OR5P3: variants seen among roughly 807,000 people sequenced by gnomAD.
The protein encoded by OR5P3 is olfactory receptor family 5 subfamily P member 3.
For synonymous variants in OR5P3, 172 were observed against 141.8 expected (o/e 1.21, Z -1.51); for missense variants, 415 against 375.6 (o/e 1.10, Z -0.87).
Position 7,825,046 on chromosome 11 carries a change from TA to T in OR5P3, c.926del (p.Ile309AsnfsTer8), listed in dbSNP as rs1857714006. On this transcript the variant is annotated frameshift_variant, in exon 2 of 2. Transcript: ENST00000641167. LOFTEE classifies it high-confidence loss of function. The part of the protein sequence containing the change: ...GALKRELRIK[I>X]FS ...AAACTAACTAGTTTCATCAAGAAAA[TA>T]TTTTTATTCTAAGCTCTCTCTTCAG... The T allele has an allele frequency of 1.9e-6, 3 of 1,612,346 alleles. No individual in the cohort carries two copies. Among genetic ancestry groups the T allele is most frequent in the African/African-American group, 1.3e-5 (1 of 74,616 alleles).
rs899895028 is a variant in OR5P3 at position 7,825,733 on chromosome 11, G to A, written c.240C>T (p.Val80=). 1 of 1,613,136 alleles carries A rather than the reference G, an allele frequency of 6.2e-7. No individual in the cohort carries two copies. Among genetic ancestry groups the A allele is most frequent in the Non-Finnish European group, 8.5e-7 (1 of 1,180,042 alleles). Residue 80 remains valine, a synonymous_variant, in exon 2 of 2, where the codon GTC becomes GTT. Coordinates refer to ENST00000641167, the MANE Select transcript of OR5P3 (RefSeq NM_153445.2). ...DIGYSSSVTP[V]MLMSFLRKET... is the part of the protein sequence containing the mutation. The stretch of plus-strand genomic sequence containing the variant: ...CTTTCCTTAGGAAGCTCATGAGCAT[G>A]ACAGGTGTGACTGATGAGGAGTACC...
rs140831480 is a variant in OR5P3 at position 7,828,280 on chromosome 11, A to G, written c.-21-2287T>C. The stretch of plus-strand genomic sequence containing the variant: ...TGAGGACATAAGAAATTTTGTTGAT[A>G]ACTGTGACTGCAGAAGGGCACAGGA... On this transcript the variant is annotated intron_variant, in intron 1 of 1. Transcript: ENST00000641167. Among the ~76,000 whole-genome samples the G allele has an allele frequency of 1.0e-3, 155 of 152,330 alleles. 2 individuals are homozygous for G. The South Asian group carries it at 0.017, about 17-fold the overall frequency.
chr11:7,828,834 C>G (rs906878699), intron 1 of OR5P3, among the ~76,000 whole-genome samples: 6 of 152,144 alleles, frequency 3.9e-5, no homozygotes, highest in Non-Finnish European at 8.8e-5. Context: ...TACATATGGT[C>G]TGTCAAGACT....
At position 7,825,183 on chromosome 11, in the gene OR5P3, A is replaced by T. The variant is rs148302710; in HGVS notation, c.790T>A (p.Ser264Thr). The T allele has an allele frequency of 2.4e-4, 394 of 1,613,130 alleles. No individual in the cohort carries two copies. The highest frequency in any genetic ancestry group is 3.0e-4 in the Non-Finnish European group (356 of 1,180,042). Residue 264 changes from serine to threonine, a missense_variant, in exon 2 of 2, where the codon TCC (serine) becomes ACC (threonine). Physicochemically the swap from Ser to Thr is moderately conservative, Grantham distance 58. Coordinates refer to ENST00000641167, the MANE Select transcript of OR5P3 (RefSeq NM_153445.2). ...TTGTTCTGGTCAGTTGAGTAGCTGGACTTGGGCATCACATAAATGAAGGTA... is the reference window on the plus strand; with the variant it reads ...TTGTTCTGGTCAGTTGAGTAGCTGGTCTTGGGCATCACATAAATGAAGGTA... The part of the protein sequence containing the change: ...TITFIYVMPK[S>T]SYSTDQNKVV...
Position 7,825,676 on chromosome 11 carries a change from G to A in OR5P3, c.297C>T (p.Ala99=), listed in dbSNP as rs541826495. Residue 99 remains alanine (A), a synonymous_variant, in exon 2 of 2, where the codon GCC becomes GCT. Coordinates refer to ENST00000641167, the MANE Select transcript of OR5P3 (RefSeq NM_153445.2). ...CAAACGTCACTACAGAACAGAGCTG[G>A]GCCACACAACCAGCAACAGGGAGAG... ...ETSLPVAGCV[A]QLCSVVTFGT... is the part of the protein sequence containing the mutation. 1 of 1,613,086 alleles carries A rather than the reference G, an allele frequency of 6.2e-7. No homozygotes were observed. Among genetic ancestry groups the A allele is most frequent in the African/African-American group, 1.4e-5 (1 of 74,058 alleles).
At position 7,825,156 on chromosome 11, in the gene OR5P3, C is replaced by A; in HGVS notation, c.817G>T (p.Val273Leu). The change falls in exon 2 of 2, where the codon GTG becomes TTG. Residue 273 changes from valine to leucine, a missense_variant. By Grantham distance (32) the Val-to-Leu change is conservative. Transcript: ENST00000641167. ...KSSYSTDQNK[V>L]VSVFYTVVIP... ...ACCACGGTGTAGAACACAGACACCA[C>A]CTTGTTCTGGTCAGTTGAGTAGCTG... 1 of 1,613,452 alleles carries A rather than the reference C, an allele frequency of 6.2e-7. No homozygotes were observed. Among genetic ancestry groups the A allele is most frequent in the Non-Finnish European group, 8.5e-7 (1 of 1,180,038 alleles).
rs1857725026 is a variant in OR5P3, at chr11:7,825,471, A to C, written c.502T>G (p.Phe168Val). ...TFIGCLLRLS[F>V]CGPNKVNHFF... ...TGATTGACTTTATTTGGCCCACAGA[A>C]GGACAGTCTTAATAAGCAGCCAATG... The change falls in exon 2 of 2, where the codon TTC becomes GTC. Residue 168 changes from phenylalanine (F) to valine (V), a missense_variant. Transcript: ENST00000641167. 6.2e-7 allele frequency: 1 copy of C among 1,613,228 alleles called. No individual in the cohort carries two copies. The highest frequency in any genetic ancestry group is 8.5e-7 in the Non-Finnish European group (1 of 1,180,054).
At position 7,825,858 on chromosome 11, in the gene OR5P3, A is replaced by G; in HGVS notation, c.115T>C (p.Leu39=). The G allele has an allele frequency of 4.3e-6, 7 of 1,611,466 alleles. No homozygotes were observed. Among genetic ancestry groups the G allele is most frequent in the Non-Finnish European group, 5.9e-6 (7 of 1,178,670 alleles). The change falls in exon 2 of 2, where the codon TTA becomes CTA. Residue 39 remains leucine (L), a synonymous_variant. Transcript: ENST00000641167. ...ACAATTATGCTGATATTACCCATTA[A>G]GGTGACAACATAAATTCCTAGAAAC... is the stretch of plus-strand genomic sequence containing the variant. ...LVFLGIYVVT[L]MGNISIIVLI... is the part of the protein sequence containing the mutation.
rs1195365359 is a variant in OR5P3, at chr11:7,824,904, CCTGATTGA to C, written c.*125_*132del. The C allele has an allele frequency of 3.8e-6, 2 of 530,952 alleles. No homozygotes were observed. Among genetic ancestry groups the C allele is most frequent in the Admixed American group, 3.8e-5 (1 of 26,050 alleles). 32.9% of individuals were successfully genotyped at this position (530,952 alleles called of 1,614,324 possible). A position where few individuals can be genotyped will look rare whatever the true frequency, so the allele number is the denominator to read the frequency against. Reference sequence around the variant, plus strand: ...CCTATTCTATCTGAAAATCTTCCCTCCTGATTGACTAAAAAGCTCCACACTGGGTAATG... The same window carrying C: ...CCTATTCTATCTGAAAATCTTCCCTCCTAAAAAGCTCCACACTGGGTAATG... On this transcript the variant is annotated 3_prime_UTR_variant, in exon 2 of 2. Transcript: ENST00000641167.
chr11:7,829,385 A>C (rs548721258), intron 1 of OR5P3, among the ~76,000 whole-genome samples: 2 of 114,842 alleles, frequency 1.7e-5, no homozygotes, highest in African/African-American at 5.0e-5. Context: ...ATTAACTTTT[A>C]TCTTATTTTT....
Position 7,825,115 on chromosome 11 carries a change from G to C in OR5P3, c.858C>G (p.Asn286Lys). 6.2e-7 allele frequency: 1 copy of C among 1,613,594 alleles called. No individual in the cohort carries two copies. Among genetic ancestry groups the C allele is most frequent in the Non-Finnish European group, 8.5e-7 (1 of 1,180,036 alleles). The change falls in exon 2 of 2, where the codon AAC (asparagine) becomes AAG (lysine). Residue 286 changes from asparagine to lysine, a missense_variant. Physicochemically the swap from Asn to Lys is moderately conservative, Grantham distance 94. Coordinates refer to ENST00000641167, the MANE Select transcript of OR5P3 (RefSeq NM_153445.2). ...TGTTCCTGAGGCTGTAGATCAGGGG[G>C]TTCAACATGGGAATCACCACGGTGT... The part of the protein sequence containing the change: ...VFYTVVIPML[N>K]PLIYSLRNKE...
chr11:7,827,976 GA>G (rs1857763693), intron 1 of OR5P3, among the ~76,000 whole-genome samples: 1 of 152,140 alleles, frequency 6.6e-6, no homozygotes, highest in Non-Finnish European at 1.5e-5. Context: ...GCCAGTTGAT[GA>G]CTGCAAATGC....
rs370338656 is a variant in OR5P3 at position 7,829,102 on chromosome 11, G to A, written c.-22+1722C>T. Among the ~76,000 whole-genome samples, 3 of 152,250 alleles carry A rather than the reference G, an allele frequency of 2.0e-5. No homozygotes were observed. The East Asian group carries it at 5.8e-4, about 29-fold the overall frequency. ...TATTTGAAAATATATATTTGTGTCT[G>A]TATTTGTAGGGTCTCATGACTTTAT... On this transcript the variant is annotated intron_variant, in intron 1 of 1. Transcript: ENST00000641167.
At chr11:7,827,060 G>C (rs1220124543) in intron 1 of OR5P3, among the ~76,000 whole-genome samples, 4 of 152,146 alleles carry the variant, frequency 2.6e-5, no homozygotes, top group African/African-American at 4.8e-5. Flanking sequence ...AAAAAAGATA[G>C]ATAATACACA....
In OR5P3 at chr11:7,825,453, C is replaced by T. The variant is rs764115683; in HGVS notation, c.520G>A (p.Val174Ile). Residue 174 changes from valine (V) to isoleucine (I), a missense_variant, in exon 2 of 2, where the codon GTC becomes ATC. Physicochemically the swap from Val to Ile is conservative, Grantham distance 29. Transcript: ENST00000641167. Reference sequence around the variant, plus strand: ...GAATAGTCACAGAAAAAGTGATTGACTTTATTTGGCCCACAGAAGGACAGT... The same window carrying T: ...GAATAGTCACAGAAAAAGTGATTGATTTTATTTGGCCCACAGAAGGACAGT... Reference protein sequence around the residue: ...LRLSFCGPNKVNHFFCDYSPL... With the variant: ...LRLSFCGPNKINHFFCDYSPL... 1.2e-6 allele frequency: 2 copies of T among 1,613,256 alleles called. No homozygotes were observed. The highest frequency in any genetic ancestry group is 1.7e-5 in the Admixed American group (1 of 59,988).
chr11:7,826,061 A>G (rs535546919), intron 1 of OR5P3, 68 bp from the exon 2 acceptor site: 2 of 787,406 alleles, frequency 2.5e-6, no homozygotes, highest in Admixed American at 5.8e-5. Context: ...TTTTTCCAAT[A>G]TCTATTTAAC....
Position 7,825,561 on chromosome 11 carries a change from G to T in OR5P3, c.412C>A (p.Pro138Thr), listed in dbSNP as rs768412010. 2.2e-5 allele frequency: 35 copies of T among 1,612,992 alleles called. No individual in the cohort carries two copies. The East Asian group carries it at 6.9e-4, about 32-fold the overall frequency. The change falls in exon 2 of 2, where the codon CCT becomes ACT. Residue 138 changes from proline (P) to threonine (T), a missense_variant. By Grantham distance (38) the Pro-to-Thr change is conservative. Coordinates refer to ENST00000641167, the MANE Select transcript of OR5P3 (RefSeq NM_153445.2). ...CCCACTAAGATGATGCAGACTCCAG[G>T]GGACATGCAGGTAGAGTAGAGCAGG... The part of the protein sequence containing the change: ...SPLLYSTCMS[P>T]GVCIILVGMS...
intron 1 of OR5P3, among the ~76,000 whole-genome samples, chr11:7,828,530 G>T (rs1857771879): frequency 6.6e-6 from 1 of 152,194 alleles, no homozygotes. Flanking sequence ...AAGTTGTGAA[G>T]ATTGTGAGGA....
chr11:7,827,077 T>G (rs1857752048), intron 1 of OR5P3, among the ~76,000 whole-genome samples: 1 of 152,190 alleles, frequency 6.6e-6, no homozygotes, highest in Non-Finnish European at 1.5e-5. Flanking sequence ...CACACCATTG[T>G]CCAACATAAC....
Sources: allele counts gnomAD v4.1 joint callset (sites outside exome capture counted in the v4.1 genomes callset), GRCh38; gene constraint gnomAD v4.1.1; transcripts MANE v1.5; gene names NCBI Gene and HGNC (gene_info 2026-07-23, HGNC 2026-07-21).